Variants in PDIA5 observed in about 807,000 individuals in gnomAD.
The protein encoded by PDIA5 is protein disulfide isomerase family A member 5, also known as protein disulfide-isomerase A5.
A neutral mutation model predicts 77.6 loss-of-function variants in PDIA5; 58 were observed. The ratio of observed to expected loss-of-function variants is 0.75; its 90% CI spans 0.61 to 0.93. The LOEUF (loss-of-function observed/expected upper bound fraction) is 0.93, where lower values mean the gene tolerates loss of function less well. PDIA5 is among the 40% of genes least tolerant of loss of function. The pLI is 0.00. For missense variants in PDIA5, 630 were observed against 647.7 expected (o/e 0.97, Z 0.30); for synonymous variants, 250 against 252.1 (o/e 0.99, Z 0.08).
At chr3:123,094,982 G>A (rs1934395254) in intron 3 of PDIA5, among the ~76,000 whole-genome samples, 1 of 152,154 alleles carries the variant, frequency 6.6e-6, no homozygotes, top group South Asian at 2.1e-4. Context: ...TGGGGTGAGA[G>A]AAGAAGCTGC....
intron 8 of PDIA5, among the ~76,000 whole-genome samples, chr3:123,118,598 C>A (rs1176604847): frequency 6.6e-6 from 1 of 152,202 alleles, no homozygotes. Context: ...CAGAGCTCAT[C>A]CCTGTCACGC....
At position 123,101,174 on chromosome 3, in the gene PDIA5, G is replaced by A. The variant is rs1339045752; in HGVS notation, c.258-1237G>A. ...GGGAGAAGAACATGAGCCAGTGAAG[G>A]AGCTAGTCTAATGCAATGAGTGGTT... is the stretch of plus-strand genomic sequence containing the variant. On this transcript the variant is annotated intron_variant, in intron 3 of 16. Coordinates refer to ENST00000316218, the MANE Select transcript of PDIA5 (RefSeq NM_006810.4). Among the ~76,000 whole-genome samples, 3 of 152,198 alleles carry A rather than the reference G, an allele frequency of 2.0e-5. No homozygotes were observed. The East Asian group carries it at 5.8e-4, about 29-fold the overall frequency.
At chr3:123,099,386 T>A (rs566610677) in intron 3 of PDIA5, among the ~76,000 whole-genome samples, 1 of 152,206 alleles carries the variant, frequency 6.6e-6, no homozygotes, top group African/African-American at 2.4e-5. Flanking sequence ...ACGGAGCACA[T>A]GTTTCTGGAG....
chr3:123,070,931 T>G (rs1933708761), intron 1 of PDIA5, among the ~76,000 whole-genome samples: 1 of 151,494 alleles, frequency 6.6e-6, no homozygotes, highest in Non-Finnish European at 1.5e-5. Flanking sequence ...AAAAAAATGG[T>G]GTATTTTTTT....
intron 8 of PDIA5, among the ~76,000 whole-genome samples, chr3:123,121,439 C>A (rs1935116914): frequency 6.6e-6 from 1 of 152,232 alleles, no homozygotes; most frequent in Non-Finnish European, 1.5e-5. Context: ...TTTGACTTCA[C>A]AAATTCTAAC....
At chr3:123,103,230 A>G (rs923983744) in intron 5 of PDIA5, among the ~76,000 whole-genome samples, 1 of 152,228 alleles carries the variant, frequency 6.6e-6, no homozygotes, top group Non-Finnish European at 1.5e-5. Flanking sequence ...TATGGGTATC[A>G]TTGAGGAGTT....
intron 11 of PDIA5, among the ~76,000 whole-genome samples, chr3:123,143,295 G>T (rs1183043568): frequency 6.7e-6 from 1 of 149,822 alleles, no homozygotes; most frequent in Non-Finnish European, 1.5e-5. Context: ...TGAGGCAGGG[G>T]AATCACTTGA....
rs1035320985 is a variant in PDIA5, at chr3:123,124,103, A to G, written c.647A>G (p.Glu216Gly). 3.1e-6 allele frequency: 5 copies of G among 1,613,944 alleles called. No individual in the cohort carries two copies. In the South Asian group the frequency reaches 4.4e-5, roughly 14 times the overall value. Residue 216 changes from glutamate to glycine, a missense_variant, in exon 9 of 17, where the codon GAA (glutamate) becomes GGA (glycine). Physicochemically the swap from Glu to Gly is moderately conservative, Grantham distance 98. Coordinates refer to ENST00000316218, the MANE Select transcript of PDIA5 (RefSeq NM_006810.4). ...AGMNVYSSEF[E>G]NIKEEYSVRG... ...ATGAATGTCTACTCCTCTGAATTTG[A>G]AAACATCAAGGAGGAGTACAGCGTG...
intron 1 of PDIA5, chr3:123,067,526 C>T: frequency 6.0e-6 from 2 of 332,830 alleles, no homozygotes; most frequent in East Asian, 9.0e-5. Context: ...GGCAGGACGC[C>T]GGCGGGCTGC....
At chr3:123,075,677 A>G (rs1176684754) in intron 1 of PDIA5, among the ~76,000 whole-genome samples, 1 of 151,994 alleles carries the variant, frequency 6.6e-6, no homozygotes, top group Non-Finnish European at 1.5e-5. Context: ...GGGGAGTGAT[A>G]TGGGGTCCAG....
At chr3:123,151,741 TG>T (rs1935898520) in intron 14 of PDIA5, among the ~76,000 whole-genome samples, 1 of 83,456 alleles carries the variant, frequency 1.2e-5, no homozygotes, top group Admixed American at 1.0e-4. Flanking sequence ...CCTTCCTGCC[TG>T]CCTGCCTGCC....
intron 1 of PDIA5, among the ~76,000 whole-genome samples, chr3:123,077,003 C>T (rs534198455): frequency 6.6e-6 from 1 of 152,334 alleles, no homozygotes; most frequent in African/African-American, 2.4e-5. Flanking sequence ...AGGGGAGACA[C>T]TGTGCTGCGT....
chr3:123,157,785 G>A (rs1936052740), intron 15 of PDIA5, among the ~76,000 whole-genome samples: 1 of 152,238 alleles, frequency 6.6e-6, no homozygotes, highest in Non-Finnish European at 1.5e-5. Flanking sequence ...TTGGCACACT[G>A]GTGGGGAAAG....
intron 5 of PDIA5, among the ~76,000 whole-genome samples, chr3:123,105,262 C>A (rs537472766): frequency 6.6e-6 from 1 of 152,354 alleles, no homozygotes; most frequent in South Asian, 2.1e-4. Context: ...GCTTCACCGA[C>A]TCCTGAAGTC....
chr3:123,118,142 C>T (rs1287885348), intron 8 of PDIA5, among the ~76,000 whole-genome samples: 3 of 152,202 alleles, frequency 2.0e-5, no homozygotes, highest in Non-Finnish European at 2.9e-5. Flanking sequence ...TGCAGAGAGC[C>T]AATGCTTTCT....
intron 11 of PDIA5, among the ~76,000 whole-genome samples, chr3:123,143,386 C>CAAA (rs34525470): frequency 7.9e-5 from 8 of 101,870 alleles, no homozygotes; most frequent in South Asian, 3.4e-4. Context: ...GACTCCATCT[C>CAAA]AAAAAAAAAA....
At chr3:123,090,088 G>A (rs1289037331) in intron 2 of PDIA5, among the ~76,000 whole-genome samples, 4 of 152,206 alleles carry the variant, frequency 2.6e-5, no homozygotes, top group South Asian at 2.1e-4. Flanking sequence ...CCGGCAGCTC[G>A]GCCTCAGCAC....
At position 123,150,376 on chromosome 3, in the gene PDIA5, G is replaced by A. The variant is rs759733505; in HGVS notation, c.1273+12G>A. ...GTTCTACGCCCCTTGTAAGTAGCTT[G>A]GGTGCTCACTGAGTGGCACAGTAAG... On this transcript the variant is annotated intron_variant, in intron 14 of 16. Coordinates refer to ENST00000316218, the MANE Select transcript of PDIA5 (RefSeq NM_006810.4). The A allele has an allele frequency of 1.2e-6, 2 of 1,611,600 alleles. No homozygotes were observed. Among genetic ancestry groups the A allele is most frequent in the Admixed American group, 3.3e-5 (2 of 59,750 alleles).
intron 1 of PDIA5, among the ~76,000 whole-genome samples, chr3:123,069,667 A>G (rs1933674849): frequency 6.6e-6 from 1 of 152,110 alleles, no homozygotes; most frequent in Non-Finnish European, 1.5e-5. Context: ...TCCCTTTTTC[A>G]AGGGCACTAA....
Sources: gnomAD v4.1 joint callset for allele counts (sites outside exome capture counted in the v4.1 genomes callset) on GRCh38, gnomAD v4.1.1 for gene constraint, MANE v1.5 for transcripts, NCBI Gene and HGNC (gene_info 2026-07-23, HGNC 2026-07-21) for gene names.